SGCD: variants seen among roughly 807,000 people sequenced by gnomAD.
SGCD encodes delta-sarcoglycan.
SGCD carries 18 observed loss-of-function variants against 36.6 expected under a neutral mutation model. The observed-to-expected ratio is 0.49, with a 90% confidence interval of 0.34 to 0.73. The LOEUF (loss-of-function observed/expected upper bound fraction) is 0.73. Among genes scored for constraint, SGCD ranks in the 30% least tolerant of loss-of-function variants. The probability of loss-of-function intolerance (pLI) is 0.01; values close to 1 mark genes in which losing one functional copy is unlikely to be tolerated. For missense variants in SGCD, 387 were observed against 346.7 expected, an observed-to-expected ratio of 1.12 and a Z score of -0.92; for synonymous variants, 133 against 130.6, an observed-to-expected ratio of 1.02 and a Z score of -0.12.
At chr5:156,367,472 A>G (rs560987334) in intron 3 of SGCD, among the ~76,000 whole-genome samples, 6 of 152,396 alleles carry the variant, frequency 3.9e-5, no homozygotes, top group Admixed American at 2.0e-4. Flanking sequence ...CAGAAAGCAC[A>G]AAACAGAGAA....
intron 1 of SGCD, among the ~76,000 whole-genome samples, chr5:155,970,209 C>G (rs1303897489): frequency 1.3e-5 from 2 of 151,996 alleles, no homozygotes; most frequent in Admixed American, 1.3e-4. Flanking sequence ...CTCTTCCAGC[C>G]CCCATCCCAT....
At chr5:156,373,586 G>A (rs1322379605) in intron 3 of SGCD, among the ~76,000 whole-genome samples, 1 of 152,172 alleles carries the variant, frequency 6.6e-6, no homozygotes, top group African/African-American at 2.4e-5. Flanking sequence ...TAATTTTAGA[G>A]AATGCCACTG....
At chr5:156,585,120 G>C (rs1034564193) in intron 4 of SGCD, among the ~76,000 whole-genome samples, 1 of 152,116 alleles carries the variant, frequency 6.6e-6, no homozygotes, top group South Asian at 2.1e-4. Context: ...GAGAGTAGCT[G>C]AATAGGAATG....
chr5:156,755,534 G>T (rs1276259798), intron 7 of SGCD, among the ~76,000 whole-genome samples: 1 of 152,190 alleles, frequency 6.6e-6, no homozygotes, highest in Non-Finnish European at 1.5e-5. Context: ...TAAGGTTCTA[G>T]ACCAGGCCGT....
intron 1 of SGCD, among the ~76,000 whole-genome samples, chr5:155,872,385 A>ACACT (rs1554101404): frequency 2.0e-5 from 3 of 147,424 alleles, no homozygotes; most frequent in African/African-American, 7.4e-5. Flanking sequence ...ACACACACAC[A>ACACT]CTCTCATGGA....
At chr5:156,205,977 GTA>G (rs915531698) in intron 3 of SGCD, among the ~76,000 whole-genome samples, 30 of 140,418 alleles carry the variant, frequency 2.1e-4, no homozygotes, top group Non-Finnish European at 4.0e-4. Flanking sequence ...ATATGTGTGT[GTA>G]TATATATATA....
chr5:155,872,442 A>G (rs1755675065), intron 1 of SGCD, among the ~76,000 whole-genome samples: 2 of 152,076 alleles, frequency 1.3e-5, no homozygotes, highest in Non-Finnish European at 2.9e-5. Flanking sequence ...CCCGACATTA[A>G]ATAATATTTT....
At chr5:156,171,405 A>G (rs1763344854) in intron 3 of SGCD, among the ~76,000 whole-genome samples, 1 of 152,208 alleles carries the variant, frequency 6.6e-6, no homozygotes, top group South Asian at 2.1e-4. Context: ...TTTCATCAAT[A>G]GATCTAAACA....
intron 6 of SGCD, among the ~76,000 whole-genome samples, chr5:156,636,196 A>G: frequency 6.6e-6 from 1 of 152,200 alleles, no homozygotes. Flanking sequence ...TATTTCACTG[A>G]GACCATTTAA....
intron 3 of SGCD, among the ~76,000 whole-genome samples, chr5:156,288,017 A>G (rs919757858): frequency 9.2e-5 from 14 of 152,216 alleles, no homozygotes; most frequent in African/African-American, 2.4e-5. Context: ...GTTAGAATAC[A>G]TTCTCAAAAC....
intron 3 of SGCD, among the ~76,000 whole-genome samples, chr5:156,472,607 G>C (rs995239921): frequency 3.9e-5 from 6 of 152,074 alleles, no homozygotes; most frequent in African/African-American, 1.4e-4. Flanking sequence ...TAGCAGAAAT[G>C]GGGTTTCACC....
At chr5:156,661,819 C>A (rs1216712926) in intron 7 of SGCD, among the ~76,000 whole-genome samples, 2 of 152,082 alleles carry the variant, frequency 1.3e-5, no homozygotes, top group African/African-American at 4.8e-5. Context: ...TTGTCTGGGT[C>A]ATTTCCACAT....
the SGCD span, among the ~76,000 whole-genome samples, chr5:155,733,660 C>G: frequency 2.7e-5 from 4 of 150,776 alleles, no homozygotes; most frequent in Non-Finnish European, 5.9e-5. Context: ...TTTCAGTGGT[C>G]AGAACCTACT....
the SGCD span, among the ~76,000 whole-genome samples, chr5:155,742,205 T>A: frequency 6.6e-6 from 1 of 152,200 alleles, no homozygotes; most frequent in Non-Finnish European, 1.5e-5. Flanking sequence ...ATTTTACTTA[T>A]GATAAATAGA....
intron 1 of SGCD, among the ~76,000 whole-genome samples, chr5:156,091,728 A>C (rs1309579370): frequency 6.6e-6 from 1 of 152,234 alleles, no homozygotes; most frequent in Admixed American, 6.5e-5. Flanking sequence ...TCATCAAAGA[A>C]GATGGTCTGG....
intron 3 of SGCD, among the ~76,000 whole-genome samples, chr5:156,152,331 A>C (rs1762852489): frequency 6.6e-6 from 1 of 151,542 alleles, no homozygotes; most frequent in Non-Finnish European, 1.5e-5. Context: ...TGGGTCAGAG[A>C]GTGAAATAAA....
chr5:156,134,740 A>G (rs1398535665), intron 3 of SGCD, among the ~76,000 whole-genome samples: 1 of 152,046 alleles, frequency 6.6e-6, no homozygotes, highest in Admixed American at 6.6e-5. Flanking sequence ...GATATACCTA[A>G]TATAAATGAT....
intron 1 of SGCD, among the ~76,000 whole-genome samples, chr5:156,028,566 C>T (rs1759272694): frequency 6.6e-6 from 1 of 152,038 alleles, no homozygotes; most frequent in Admixed American, 6.6e-5. Flanking sequence ...GAAAACTCTG[C>T]ATGGTATATA....
chr5:156,633,884 C>T (rs987650052), intron 6 of SGCD, among the ~76,000 whole-genome samples: 1 of 152,146 alleles, frequency 6.6e-6, no homozygotes, highest in Non-Finnish European at 1.5e-5. Context: ...TTAAAATGCA[C>T]TTACTCTCTA....
Sources: allele counts gnomAD v4.1 joint callset (sites outside exome capture counted in the v4.1 genomes callset), GRCh38; gene constraint gnomAD v4.1.1; transcripts MANE v1.5; gene names NCBI Gene and HGNC (gene_info 2026-07-23, HGNC 2026-07-21).